AAGAB: variants seen among roughly 807,000 people sequenced by gnomAD.
AAGAB encodes the protein alpha and gamma adaptin binding protein.
AAGAB carries 38 observed loss-of-function variants against 44.1 expected under a neutral mutation model. The observed-to-expected ratio is 0.86, with a 90% CI of 0.67 to 1.13. The LOEUF (loss-of-function observed/expected upper bound fraction) is 1.13, where lower values mean the gene tolerates loss of function less well. AAGAB is among the 50% of genes most tolerant of loss of function. The pLI is 0.00. For missense variants in AAGAB, 450 were observed against 373.8 expected (o/e 1.20, Z -1.68); for synonymous variants, 131 against 131.8 (o/e 0.99, Z 0.04).
intron 6 of AAGAB, 53 bp downstream of exon 6, chr15:67,209,409 A>G: frequency 1.5e-6 from 2 of 1,359,176 alleles, no homozygotes; most frequent in Non-Finnish European, 2.1e-6. Context: ...ATTCATAATG[A>G]CAAGGAGAAA....
At chr15:67,235,798 C>G (rs1011012033) in intron 4 of AAGAB, among the ~76,000 whole-genome samples, 181 bp downstream of exon 4, 1 of 151,694 alleles carries the variant, frequency 6.6e-6, no homozygotes, top group African/African-American at 2.4e-5. Context: ...GTGGTAAAAC[C>G]AAAAAAATGA....
intron 1 of AAGAB, among the ~76,000 whole-genome samples, chr15:67,241,134 C>A (rs1870270315): frequency 6.6e-6 from 1 of 151,994 alleles, no homozygotes; most frequent in African/African-American, 2.4e-5. Context: ...CTATCCACCT[C>A]AGCCAAAAAA....
Position 67,208,554 on chromosome 15 carries a change from G to T in AAGAB, c.715+8C>A, listed in dbSNP as rs1963735978. The T allele has an allele frequency of 1.2e-6, 2 of 1,612,326 alleles. No homozygotes were observed. The highest frequency in any genetic ancestry group is 1.7e-6 in the Non-Finnish European group (2 of 1,178,672). On this transcript the variant is annotated splice_region_variant and intron_variant, in intron 7 of 9. Coordinates refer to ENST00000261880, the MANE Select transcript of AAGAB (RefSeq NM_024666.5). ...AGCTCTCTCTTGGCAGCCAAAGGAGGAACTTACCCACAATGCTATCAACCT... is the reference window on the plus strand; with the variant it reads ...AGCTCTCTCTTGGCAGCCAAAGGAGTAACTTACCCACAATGCTATCAACCT...
intron 1 of AAGAB, among the ~76,000 whole-genome samples, chr15:67,251,746 G>A (rs754844509): frequency 1.4e-4 from 21 of 152,104 alleles, no homozygotes; most frequent in Non-Finnish European, 2.1e-4. Context: ...CTATTCCACG[G>A]CCTAATATCA....
rs907140578 is a variant in AAGAB at position 67,238,081 on chromosome 15, C to A, written c.74-1261G>T. On this transcript the variant is annotated intron_variant, in intron 1 of 9. Coordinates refer to ENST00000261880, the MANE Select transcript of AAGAB (RefSeq NM_024666.5). ...CATGCAGTTAAGAGGAACGAATCTT[C>A]TGAAGAATAAAAGGTCGGCCCTTTT... 2.0e-5 allele frequency among the ~76,000 whole-genome samples: 3 copies of A among 152,024 alleles called. No individual in the cohort carries two copies. The South Asian group carries it at 6.2e-4, about 32-fold the overall frequency.
chr15:67,202,859 C>A lies in AAGAB; in HGVS notation c.910G>T (p.Asp304Tyr), dbSNP rs1963597703. The part of the protein sequence containing the change: ...AFWMAIGGDR[D>Y]EIEGLSSDEE... Reference sequence around the variant, plus strand: ...TCAGATGAAAGGCCTTCAATTTCATCTCTGTCTCCCCCGATTGCCATCCAG... The same window carrying A: ...TCAGATGAAAGGCCTTCAATTTCATATCTGTCTCCCCCGATTGCCATCCAG... The change falls in exon 10 of 10, where the codon GAT becomes TAT. Residue 304 changes from aspartate to tyrosine, a missense_variant. Physicochemically the swap from Asp to Tyr is radical, Grantham distance 160. Transcript: ENST00000261880. 6.2e-7 allele frequency: 1 copy of A among 1,614,078 alleles called. No homozygotes were observed. The highest frequency in any genetic ancestry group is 1.3e-5 in the African/African-American group (1 of 75,030).
chr15:67,248,994 G>A (rs775432826), intron 1 of AAGAB, among the ~76,000 whole-genome samples: 2 of 152,050 alleles, frequency 1.3e-5, no homozygotes, highest in African/African-American at 2.4e-5. Flanking sequence ...AAGTTAAGAA[G>A]CATTATATAA....
intron 5 of AAGAB, among the ~76,000 whole-genome samples, chr15:67,223,387 T>C (rs575277588): frequency 6.6e-6 from 1 of 152,372 alleles, no homozygotes; most frequent in Non-Finnish European, 1.5e-5. Flanking sequence ...ATCTTGTAGC[T>C]GCCTCATTTC....
intron 1 of AAGAB, among the ~76,000 whole-genome samples, chr15:67,247,640 T>C (rs960591352): frequency 6.6e-6 from 1 of 152,206 alleles, no homozygotes; most frequent in Non-Finnish European, 1.5e-5. Context: ...TGCCATTTAA[T>C]GAAAGGACAC....
At chr15:67,250,858 C>T (rs1444084023) in intron 1 of AAGAB, among the ~76,000 whole-genome samples, 1 of 152,090 alleles carries the variant, frequency 6.6e-6, no homozygotes, top group Non-Finnish European at 1.5e-5. Context: ...AACCCCGTCT[C>T]TACTAAAAAA....
chr15:67,217,194 A>T (rs1349587200), intron 5 of AAGAB, among the ~76,000 whole-genome samples: 4 of 152,202 alleles, frequency 2.6e-5, no homozygotes, highest in Non-Finnish European at 5.9e-5. Context: ...AAAGAGAAGC[A>T]AGTAAGTCTG....
intron 1 of AAGAB, among the ~76,000 whole-genome samples, chr15:67,251,343 A>C (rs897227342): frequency 6.6e-6 from 1 of 152,116 alleles, no homozygotes; most frequent in African/African-American, 2.4e-5. Flanking sequence ...TCCCAGGCTC[A>C]AGCAATCCTC....
chr15:67,212,562 A>G (rs976104644), intron 5 of AAGAB, among the ~76,000 whole-genome samples: 8 of 152,216 alleles, frequency 5.3e-5, no homozygotes, highest in African/African-American at 9.7e-5. Flanking sequence ...GGCTAATTAT[A>G]ATAAGCCAGA....
At chr15:67,232,868 C>T (rs985083411) in intron 4 of AAGAB, 80 of 172,226 alleles carry the variant, frequency 4.6e-4, no homozygotes, top group Non-Finnish European at 1.7e-4. Flanking sequence ...TATCAGTGGC[C>T]ACTGTGGCTT....
chr15:67,222,932 G>T (rs927233625), intron 5 of AAGAB, among the ~76,000 whole-genome samples: 21 of 152,006 alleles, frequency 1.4e-4, no homozygotes, highest in Non-Finnish European at 2.5e-4. Context: ...GCTCTTCAAG[G>T]TCACTAATGC....
chr15:67,222,124 CATT>C (rs1439784798), intron 5 of AAGAB, among the ~76,000 whole-genome samples: 1 of 152,108 alleles, frequency 6.6e-6, no homozygotes, highest in African/African-American at 2.4e-5. Flanking sequence ...CATGGTCAAT[CATT>C]ATAATTAATC....
Position 67,254,317 on chromosome 15 carries a change from CG to C in AAGAB, c.73+241del, listed in dbSNP as rs1053187047. 4.4e-6 allele frequency: 5 copies of C among 1,128,550 alleles called. No individual in the cohort carries two copies. The African/African-American group carries it at 7.9e-5, about 18-fold the overall frequency. 69.9% of individuals were successfully genotyped at this position (1,128,550 alleles called of 1,614,324 possible). The stretch of plus-strand genomic sequence containing the variant: ...AACCTGTGGCCTGGGCTGAGCAGAG[CG>C]GGAAATCAGTCTCACTTTACACAGG... On this transcript the variant is annotated intron_variant, in intron 1 of 9. Transcript: ENST00000261880.
At chr15:67,218,472 A>G (rs1035122088) in intron 5 of AAGAB, among the ~76,000 whole-genome samples, 3 of 152,002 alleles carry the variant, frequency 2.0e-5, no homozygotes, top group African/African-American at 7.2e-5. Flanking sequence ...ACAAAAAACA[A>G]CTCATCAGGC....
chr15:67,203,289 T>C (rs987360942), intron 9 of AAGAB, among the ~76,000 whole-genome samples: 1 of 152,170 alleles, frequency 6.6e-6, no homozygotes, highest in African/African-American at 2.4e-5. Context: ...AACTAAGAGT[T>C]TTCTGGCCCA....
Sources: allele counts gnomAD v4.1 joint callset (sites outside exome capture counted in the v4.1 genomes callset), GRCh38; gene constraint gnomAD v4.1.1; transcripts MANE v1.5; gene names NCBI Gene and HGNC (gene_info 2026-07-23, HGNC 2026-07-21).